The following TFB1M variants were observed in gnomAD, a reference collection of about 807,000 sequenced individuals.
TFB1M encodes dimethyladenosine transferase 1, mitochondrial.
Under a neutral mutation model 31.1 loss-of-function variants are expected in TFB1M, and 27 were observed. The observed-to-expected ratio is 0.87, with a 90% confidence interval of 0.64 to 1.20. TFB1M has a LOEUF of 1.20. Ranked by LOEUF, TFB1M falls within the 50% of genes most tolerant of loss-of-function variation. The pLI is 0.00. For missense variants in TFB1M, 394 were observed against 418.7 expected (o/e 0.94, Z 0.51); for synonymous variants, 166 against 151.8 (o/e 1.09, Z -0.69).
chr6:155,282,509 G>A (rs1378855473), intron 5 of TFB1M, among the ~76,000 whole-genome samples: 1 of 152,148 alleles, frequency 6.6e-6, no homozygotes, highest in Non-Finnish European at 1.5e-5. Context: ...AATAAGTAAT[G>A]AATGTTAGTA....
At position 155,257,398 on chromosome 6, in the gene TFB1M, A is replaced by ATTAAG. The variant is rs1447622479; in HGVS notation, c.*433_*437dup. The ATTAAG allele has an allele frequency of 1.2e-4, 46 of 398,354 alleles. No homozygotes were observed. Among genetic ancestry groups the ATTAAG allele is most frequent in the African/African-American group, 8.2e-4 (39 of 47,528 alleles). 24.7% of individuals were successfully genotyped at this position (398,354 alleles called of 1,614,324 possible). ...GGATCCTTAAAATTACATTCTAATA[A>ATTAAG]TTAAGTTATGTGGAAAAAGTAAGGC... On this transcript the variant is annotated 3_prime_UTR_variant, in exon 7 of 7. Transcript: ENST00000367166.
At chr6:155,250,795 A>G in the TFB1M span, 1 of 1,224,362 alleles carries the variant, frequency 8.2e-7, no homozygotes, top group Non-Finnish European at 1.2e-6. Flanking sequence ...AGGTATCATA[A>G]AAATTAAACC....
chr6:155,257,737 ATT>A lies in TFB1M; in HGVS notation c.*97_*98del. On this transcript the variant is annotated 3_prime_UTR_variant, in exon 7 of 7. Transcript: ENST00000367166. ...AAATAAGTCACATCTGGTCATTGGC[ATT>A]TGTATCGTCATTCTGTAAAGACAAA... 3 of 1,446,788 alleles carry A rather than the reference ATT, an allele frequency of 2.1e-6. No homozygotes were observed. The highest frequency in any genetic ancestry group is 2.9e-6 in the Non-Finnish European group (3 of 1,049,286). 89.6% of individuals were successfully genotyped at this position (1,446,788 alleles called of 1,614,324 possible). A position where few individuals can be genotyped will look rare whatever the true frequency, so the allele number is the denominator to read the frequency against.
intron 5 of TFB1M, among the ~76,000 whole-genome samples, chr6:155,267,642 G>A (rs114402776): frequency 6.9e-4 from 105 of 152,266 alleles, no homozygotes; most frequent in African/African-American, 2.5e-3. Context: ...GTTACAGCAG[G>A]CCATTTCAGC....
At chr6:155,252,188 AAAG>A (rs1783703094), downstream of TFB1M, among the ~76,000 whole-genome samples, 1 of 152,184 alleles carries the variant, frequency 6.6e-6, no homozygotes, top group Non-Finnish European at 1.5e-5. Context: ...GTCTGTTTTA[AAAG>A]AAGATATACA....
downstream of TFB1M, chr6:155,255,371 T>G (rs777328600): frequency 6.6e-6 from 1 of 152,178 alleles, no homozygotes; most frequent in Non-Finnish European, 1.5e-5. Context: ...AAATTTCAGC[T>G]TAAGTTTTCA....
chr6:155,295,602 A>C (rs1460385434), intron 4 of TFB1M, among the ~76,000 whole-genome samples: 1 of 152,116 alleles, frequency 6.6e-6, no homozygotes, highest in Non-Finnish European at 1.5e-5. Context: ...ATCCATGTAC[A>C]TGGGGATTCA....
chr6:155,252,237 C>T (rs959501952), downstream of TFB1M, among the ~76,000 whole-genome samples: 1 of 152,162 alleles, frequency 6.6e-6, no homozygotes, highest in East Asian at 1.9e-4. Flanking sequence ...AATCTCAGCA[C>T]TTTGGGAGGC....
intron 4 of TFB1M, among the ~76,000 whole-genome samples, chr6:155,293,990 GC>G (rs1189167575): frequency 2.0e-5 from 3 of 152,098 alleles, no homozygotes; most frequent in African/African-American, 7.2e-5. Flanking sequence ...CCTGTAGGGA[GC>G]CCTCTGCTTC....
the TFB1M span, chr6:155,244,961 ATTT>A: frequency 2.8e-6 from 2 of 721,438 alleles, no homozygotes; most frequent in Non-Finnish European, 2.0e-6. Context: ...GGCTGTATAT[ATTT>A]TTTTTTCCTG....
intron 5 of TFB1M, among the ~76,000 whole-genome samples, chr6:155,272,028 G>A (rs902442478): frequency 8.6e-5 from 13 of 152,036 alleles, no homozygotes; most frequent in Non-Finnish European, 2.9e-5. Context: ...AGATTTCTAC[G>A]TTGTCCTTTA....
intron 5 of TFB1M, among the ~76,000 whole-genome samples, chr6:155,282,369 G>T (rs1477247223): frequency 5.3e-5 from 8 of 152,196 alleles, no homozygotes; most frequent in Admixed American, 5.2e-4. Flanking sequence ...GATTGAGTTA[G>T]TTAAAAGATT....
At chr6:155,275,594 T>C (rs923016914) in intron 5 of TFB1M, 2 of 919,544 alleles carry the variant, frequency 2.2e-6, no homozygotes, top group South Asian at 3.3e-5. Context: ...CGCTCAATCC[T>C]GGTTTTGCCT....
downstream of TFB1M, chr6:155,252,792 T>C (rs1783746957): frequency 3.3e-6 from 2 of 613,004 alleles, no homozygotes; most frequent in South Asian, 2.1e-5. Flanking sequence ...CTTTGAGAAC[T>C]GGGTGCGTAG....
At chr6:155,275,647 A>G (rs1290191429) in intron 5 of TFB1M, 1 of 1,428,326 alleles carries the variant, frequency 7.0e-7, no homozygotes, top group Non-Finnish European at 9.6e-7. Flanking sequence ...CTGCACAGAA[A>G]TAGATAGAAT....
At chr6:155,230,276 G>A in the TFB1M span, among the ~76,000 whole-genome samples, 126 of 152,274 alleles carry the variant, frequency 8.3e-4, 1 homozygote, top group East Asian at 0.021. Context: ...TTCCTAACTC[G>A]CACCTGCCAG....
the TFB1M span, among the ~76,000 whole-genome samples, chr6:155,239,708 A>T: frequency 2.0e-5 from 3 of 152,132 alleles, no homozygotes; most frequent in Admixed American, 1.3e-4. Flanking sequence ...CATGACTGGG[A>T]GCGAGTATTT....
At chr6:155,286,499 GTGTA>G (rs1438230833) in intron 4 of TFB1M, among the ~76,000 whole-genome samples, 1 of 139,330 alleles carries the variant, frequency 7.2e-6, no homozygotes, top group African/African-American at 2.9e-5. Flanking sequence ...ATATATATGT[GTGTA>G]TATATATGTG....
chr6:155,293,537 T>C (rs989376093), intron 4 of TFB1M, among the ~76,000 whole-genome samples: 1 of 152,196 alleles, frequency 6.6e-6, no homozygotes, highest in Non-Finnish European at 1.5e-5. Flanking sequence ...TCCTTAGAAC[T>C]GCGTATTTCA....
Sources: gnomAD v4.1 joint callset for allele counts (sites outside exome capture counted in the v4.1 genomes callset) on GRCh38, gnomAD v4.1.1 for gene constraint, MANE v1.5 for transcripts, NCBI Gene and HGNC (gene_info 2026-07-23, HGNC 2026-07-21) for gene names.